GRB10: variants seen among roughly 807,000 people sequenced by gnomAD.
The protein encoded by GRB10 is growth factor receptor-bound protein 10.
A neutral mutation model predicts 80.9 loss-of-function variants in GRB10; 20 were observed. The observed-to-expected ratio is 0.25, with a 90% CI of 0.17 to 0.36. The LOEUF is 0.36. Among genes scored for constraint, GRB10 ranks in the 10% least tolerant of loss-of-function variants. GRB10 has a pLI of 1.00. For missense variants in GRB10, 548 were observed against 747.7 expected (o/e 0.73, Z 3.12); for synonymous variants, 291 against 291.5 (o/e 1.00, Z 0.02).
intron 4 of GRB10, among the ~76,000 whole-genome samples, chr7:50,723,263 G>C (rs2153686377): frequency 6.6e-6 from 1 of 152,180 alleles, no homozygotes. Context: ...GAGGGGTCAG[G>C]TGTTTCCTTA....
At chr7:50,645,427 T>G (rs73113099) in intron 7 of GRB10, 17,135 of 184,036 alleles carry the variant, frequency 0.093, 1,128 homozygotes, top group Non-Finnish European at 0.11. Flanking sequence ...CTTTCAGCCA[T>G]CTGGGGAGTA....
chr7:50,699,256 A>C (rs1176913846), intron 5 of GRB10, among the ~76,000 whole-genome samples: 3 of 152,204 alleles, frequency 2.0e-5, no homozygotes, highest in African/African-American at 7.2e-5. Flanking sequence ...TTTACATTTT[A>C]GTTTCTTCAT....
chr7:50,640,829 C>G (rs550604545), intron 7 of GRB10, among the ~76,000 whole-genome samples: 1 of 152,268 alleles, frequency 6.6e-6, no homozygotes, highest in East Asian at 1.9e-4. Context: ...TAATCTATTC[C>G]TTGTACATTG....
At chr7:50,675,730 C>G (rs1450197427) in intron 5 of GRB10, among the ~76,000 whole-genome samples, 2 of 152,024 alleles carry the variant, frequency 1.3e-5, no homozygotes, top group Admixed American at 6.6e-5. Flanking sequence ...ACACATGTGT[C>G]TCTCTCTGTA....
At chr7:50,685,343 T>C (rs948386826) in intron 5 of GRB10, among the ~76,000 whole-genome samples, 6 of 152,186 alleles carry the variant, frequency 3.9e-5, no homozygotes, top group Non-Finnish European at 8.8e-5. Flanking sequence ...GGAAACTGTT[T>C]TTACTACTTC....
At position 50,686,831 on chromosome 7, in the gene GRB10, G is replaced by C. The variant is rs115150191; in HGVS notation, c.140-12173C>G. On this transcript the variant is annotated intron_variant, in intron 5 of 18. Transcript: ENST00000401949. ...CCAAAAACTTGGCTACCAAGACACA[G>C]AGTGGAGAGTCTGCCTAACTCCAAA... 1.4e-3 allele frequency among the ~76,000 whole-genome samples: 211 copies of C among 152,324 alleles called. 1 individual carries two copies. Among genetic ancestry groups the C allele is most frequent in the African/African-American group, 4.9e-3 (203 of 41,578 alleles).
chr7:50,662,697 T>C (rs2153630343), intron 7 of GRB10, among the ~76,000 whole-genome samples: 1 of 152,292 alleles, frequency 6.6e-6, no homozygotes, highest in Admixed American at 6.5e-5. Context: ...ATGAAAATAG[T>C]CTCTCCCTTG....
In GRB10 at chr7:50,605,200, C is replaced by T. The variant is rs568933518; in HGVS notation, c.1389+90G>A. On this transcript the variant is annotated intron_variant, in intron 15 of 18. Transcript: ENST00000401949. The stretch of plus-strand genomic sequence containing the variant: ...CAACATGGCACCCCTCTTGCCAACC[C>T]GCATAGAGCTGTTCCTCTGGGAGAA... The T allele has an allele frequency of 1.5e-4, 144 of 972,764 alleles. 1 individual carries two copies. The highest frequency in any genetic ancestry group is 7.2e-4 in the South Asian group (53 of 73,558). The allele number at this position is 972,764 out of a possible 1,614,324, so 60.3% of individuals were successfully genotyped here.
chr7:50,764,457 T>TA (rs2076115675), intron 2 of GRB10, among the ~76,000 whole-genome samples: 1 of 152,104 alleles, frequency 6.6e-6, no homozygotes, highest in South Asian at 2.1e-4. Context: ...TTGCTGAACT[T>TA]ATGGAAAAAA....
At chr7:50,603,912 AG>A in intron 17 of GRB10, 85 bp downstream of exon 17, 1 of 1,100,084 alleles carries the variant, frequency 9.1e-7, no homozygotes, top group East Asian at 2.3e-5. Context: ...CTGTCCAGCA[AG>A]GATGTCTGAG....
At chr7:50,656,653 G>A (rs762407409) in intron 7 of GRB10, among the ~76,000 whole-genome samples, 15 of 152,218 alleles carry the variant, frequency 9.9e-5, no homozygotes, top group Non-Finnish European at 2.2e-4. Flanking sequence ...GGGACACAGA[G>A]TTCCACCCCT....
chr7:50,686,817 G>A (rs1378147278), intron 5 of GRB10, among the ~76,000 whole-genome samples: 1 of 152,166 alleles, frequency 6.6e-6, no homozygotes, highest in Non-Finnish European at 1.5e-5. Flanking sequence ...CAAAAACTTG[G>A]CTACCAAGAC....
chr7:50,599,741 A>T (rs180872950), intron 17 of GRB10, among the ~76,000 whole-genome samples: 123 of 152,354 alleles, frequency 8.1e-4, no homozygotes, highest in Admixed American at 3.3e-3. Flanking sequence ...TGCCTCACCA[A>T]CTGGGTTTCT....
At chr7:50,662,608 T>A (rs1175293685) in intron 7 of GRB10, among the ~76,000 whole-genome samples, 1 of 152,218 alleles carries the variant, frequency 6.6e-6, no homozygotes, top group Non-Finnish European at 1.5e-5. Context: ...TACAATTTCC[T>A]GCCTGTACCT....
chr7:50,750,699 AGAGAC>A lies in GRB10; in HGVS notation c.-47+5183_-47+5187del, dbSNP rs1182349313. On this transcript the variant is annotated intron_variant, in intron 3 of 18. Coordinates refer to ENST00000401949, the MANE Select transcript of GRB10 (RefSeq NM_001350814.2). ...CAAACAGCCTGTTGTCAATACCAGA[AGAGAC>A]AAGTTTGTACATCACAAAAGACAAG... Among the ~76,000 whole-genome samples, 9 of 152,218 alleles carry A rather than the reference AGAGAC, an allele frequency of 5.9e-5. No individual in the cohort carries two copies. In the East Asian group the frequency reaches 1.7e-3, roughly 29 times the overall value.
rs115496482 is a variant in GRB10, at chr7:50,626,848, A to T, written c.635T>A (p.Val212Glu). The change falls in exon 8 of 19, where the codon GTG becomes GAG. Residue 212 changes from valine to glutamate, a missense_variant. Val to Glu is a moderately radical substitution (Grantham distance 121). Around this residue, in one of 4 missense-constraint regions of GRB10, gnomAD observed 270 missense variants for 433.6 expected, o/e 0.62. Coordinates refer to ENST00000401949, the MANE Select transcript of GRB10 (RefSeq NM_001350814.2). ...HCVDDNSWTL[V>E]EHHPHLGLER... ...TAATCCTAGGTGCGGGTGGTGCTCC[A>T]CTAGTGTCCAGCTGTTGTCATCCAC... is the stretch of plus-strand genomic sequence containing the variant. 6.2e-7 allele frequency: 1 copy of T among 1,614,136 alleles called. No homozygotes were observed. The highest frequency in any genetic ancestry group is 1.3e-5 in the African/African-American group (1 of 75,020).
At chr7:50,699,473 G>A (rs1397524177) in intron 5 of GRB10, among the ~76,000 whole-genome samples, 2 of 152,328 alleles carry the variant, frequency 1.3e-5, no homozygotes, top group African/African-American at 2.4e-5. Context: ...GTATTATAAT[G>A]AGTGAAGAGT....
chr7:50,742,746 T>TA (rs891162090), intron 3 of GRB10, among the ~76,000 whole-genome samples: 2 of 151,294 alleles, frequency 1.3e-5, no homozygotes, highest in African/African-American at 4.9e-5. Context: ...GGGTGGGGGG[T>TA]AATAGTGTTA....
At chr7:50,594,845 G>C (rs957705232) in intron 18 of GRB10, among the ~76,000 whole-genome samples, 1 of 152,172 alleles carries the variant, frequency 6.6e-6, no homozygotes. Context: ...TTTTGGAATT[G>C]TTCAAAGGGA....
Sources: gnomAD v4.1 joint callset for allele counts (sites outside exome capture counted in the v4.1 genomes callset) on GRCh38, gnomAD v4.1.1 for gene constraint, gnomAD v4.1.1 regional missense constraint, MANE v1.5 for transcripts, NCBI Gene and HGNC (gene_info 2026-07-23, HGNC 2026-07-21) for gene names.